PLD5: variants seen among roughly 807,000 people sequenced by gnomAD.
PLD5 encodes the protein inactive phospholipase D5.
A neutral mutation model predicts 61.1 loss-of-function variants in PLD5; 36 were observed. That is an observed-to-expected ratio of 0.59 (90% CI 0.45 to 0.78). PLD5 has a LOEUF of 0.78. Ranked by LOEUF, PLD5 falls within the 30% of genes least tolerant of loss-of-function variation. PLD5 has a pLI of 0.00. For synonymous variants in PLD5, 243 were observed against 242.8 expected, an observed-to-expected ratio of 1.00 and a Z score of -0.01; for missense variants, 515 against 644.4, an observed-to-expected ratio of 0.80 and a Z score of 2.17.
At chr1:242,331,101 T>C (rs926389434) in intron 2 of PLD5, among the ~76,000 whole-genome samples, 6 of 152,190 alleles carry the variant, frequency 3.9e-5, no homozygotes, top group Non-Finnish European at 8.8e-5. Context: ...ATTTGTTCAA[T>C]ATTACTGACT....
At chr1:242,137,110 T>A (rs1423147483) in intron 5 of PLD5, among the ~76,000 whole-genome samples, 1 of 152,188 alleles carries the variant, frequency 6.6e-6, no homozygotes, top group African/African-American at 2.4e-5. Context: ...AATCTGCCTT[T>A]CTTCATGGTC....
intron 2 of PLD5, among the ~76,000 whole-genome samples, chr1:242,295,206 G>A (rs556848999): frequency 6.6e-6 from 1 of 152,046 alleles, no homozygotes; most frequent in African/African-American, 2.4e-5. Flanking sequence ...ATAATGCTGG[G>A]GTTCGGGCTT....
intron 1 of PLD5, among the ~76,000 whole-genome samples, chr1:242,502,674 TGTGTGTGTGTATGTGC>T (rs1406661876): frequency 6.6e-6 from 1 of 151,758 alleles, no homozygotes; most frequent in Non-Finnish European, 1.5e-5. Flanking sequence ...TGTATGTGCG[TGTGTGTGTGTATGTGC>T]GTGTGTGTGT....
At chr1:242,265,668 C>CAATTGAACAATT (rs1484211233) in intron 3 of PLD5, among the ~76,000 whole-genome samples, 1 of 152,132 alleles carries the variant, frequency 6.6e-6, no homozygotes, top group African/African-American at 2.4e-5. Context: ...GGGTATTGTG[C>CAATTGAACAATT]AATTGAACAA....
At chr1:242,153,481 T>C (rs1665103737) in intron 5 of PLD5, among the ~76,000 whole-genome samples, 1 of 152,304 alleles carries the variant, frequency 6.6e-6, no homozygotes, top group African/African-American at 2.4e-5. Flanking sequence ...TTTATGGTTT[T>C]AGGTCTTATG....
chr1:242,403,951 G>A (rs978999954), intron 1 of PLD5, among the ~76,000 whole-genome samples: 1 of 152,158 alleles, frequency 6.6e-6, no homozygotes, highest in African/African-American at 2.4e-5. Flanking sequence ...TTCCAGAGGT[G>A]GAATCTAGCA....
chr1:242,358,947 C>G (rs1373825871), intron 1 of PLD5, among the ~76,000 whole-genome samples: 1 of 151,866 alleles, frequency 6.6e-6, no homozygotes, highest in Non-Finnish European at 1.5e-5. Context: ...TTTCTCATTC[C>G]CTGAGGAGCT....
chr1:242,514,143 C>T (rs1485415498), intron 1 of PLD5, among the ~76,000 whole-genome samples: 2 of 152,180 alleles, frequency 1.3e-5, no homozygotes, highest in Admixed American at 6.5e-5. Context: ...CAGAATAAAG[C>T]CCAGTATCTT....
chr1:242,425,984 T>C (rs962201575), intron 1 of PLD5, among the ~76,000 whole-genome samples: 2 of 152,172 alleles, frequency 1.3e-5, no homozygotes, highest in Non-Finnish European at 2.9e-5. Context: ...TTCTAATTTT[T>C]TAACTTTGAC....
intron 1 of PLD5, among the ~76,000 whole-genome samples, chr1:242,506,913 A>G (rs1434487913): frequency 6.6e-6 from 1 of 152,150 alleles, no homozygotes; most frequent in Non-Finnish European, 1.5e-5. Flanking sequence ...TGACTATGAG[A>G]GCAATAGGAC....
chr1:242,365,700 C>T, intron 1 of PLD5: 1 of 208,078 alleles, frequency 4.8e-6, no homozygotes, highest in Middle Eastern at 1.7e-3. Flanking sequence ...ATGTTACAGA[C>T]AATAAACTTG....
chr1:242,413,646 G>A (rs1303824704), intron 1 of PLD5, among the ~76,000 whole-genome samples: 1 of 152,192 alleles, frequency 6.6e-6, no homozygotes, highest in East Asian at 1.9e-4. Flanking sequence ...GCATGGGGCA[G>A]GGCTGGAGTT....
intron 1 of PLD5, among the ~76,000 whole-genome samples, chr1:242,458,737 T>C (rs1279069678): frequency 6.8e-6 from 1 of 148,036 alleles, no homozygotes; most frequent in Non-Finnish European, 1.5e-5. Context: ...CCTGTGTTAA[T>C]TGTTACTTGT....
chr1:242,440,771 A>G (rs1666236444), intron 1 of PLD5, among the ~76,000 whole-genome samples: 1 of 152,150 alleles, frequency 6.6e-6, no homozygotes, highest in Non-Finnish European at 1.5e-5. Flanking sequence ...CTGAGCACAG[A>G]ACACTATGTT....
At chr1:242,309,425 T>A (rs774658649) in intron 2 of PLD5, among the ~76,000 whole-genome samples, 47 of 151,614 alleles carry the variant, frequency 3.1e-4, no homozygotes, top group Non-Finnish European at 6.0e-4. Context: ...TCTCACTCTG[T>A]TGCCCAAGCT....
intron 1 of PLD5, among the ~76,000 whole-genome samples, chr1:242,353,368 T>C (rs978735438): frequency 6.6e-6 from 1 of 152,168 alleles, no homozygotes; most frequent in Non-Finnish European, 1.5e-5. Context: ...TTCTGTTCCA[T>C]TGGTCAATGT....
intron 2 of PLD5, among the ~76,000 whole-genome samples, chr1:242,331,229 C>T (rs1000867705): frequency 4.6e-5 from 7 of 152,160 alleles, no homozygotes; most frequent in African/African-American, 9.7e-5. Flanking sequence ...GACAGTTTAG[C>T]GTGCAGCGAT....
At chr1:242,098,374 G>A (rs748956136) in intron 9 of PLD5, among the ~76,000 whole-genome samples, 7 of 152,040 alleles carry the variant, frequency 4.6e-5, no homozygotes, top group Admixed American at 6.5e-5. Context: ...TTGTGCATTC[G>A]TCACGTAGTT....
chr1:242,463,804 T>A (rs1667193859), intron 1 of PLD5, among the ~76,000 whole-genome samples: 1 of 150,034 alleles, frequency 6.7e-6, no homozygotes, highest in Admixed American at 6.6e-5. Flanking sequence ...CTACGCTGGA[T>A]CACACTCATT....
Sources: gnomAD v4.1 joint callset for allele counts (sites outside exome capture counted in the v4.1 genomes callset) on GRCh38, gnomAD v4.1.1 for gene constraint, MANE v1.5 for transcripts, NCBI Gene and HGNC (gene_info 2026-07-23, HGNC 2026-07-21) for gene names.